The following CAMTA1 variants were observed in gnomAD, a reference collection of about 807,000 sequenced individuals.
CAMTA1 encodes the protein calmodulin binding transcription activator 1.
CAMTA1 carries 27 observed loss-of-function variants against 170.9 expected under a neutral mutation model. That is an observed-to-expected ratio of 0.16 (90% CI 0.12 to 0.22). The LOEUF (loss-of-function observed/expected upper bound fraction) is 0.22. Ranked by LOEUF, CAMTA1 falls within the 10% of genes least tolerant of loss-of-function variation. The probability of loss-of-function intolerance (pLI) is 1.00; values close to 1 mark genes in which losing one functional copy is unlikely to be tolerated. For missense variants in CAMTA1, 1,619 were observed against 2,217.2 expected (o/e 0.73, Z 5.42); for synonymous variants, 833 against 891.5 (o/e 0.93, Z 1.17).
rs1473802715 is a variant in CAMTA1, at chr1:7,705,406, A to AGCCACGCGTGTCTGGGTGCGC, written c.2915-27039_2915-27019dup. Among the ~76,000 whole-genome samples the AGCCACGCGTGTCTGGGTGCGC allele has an allele frequency of 7.2e-5, 10 of 139,132 alleles. No individual in the cohort carries two copies. In the East Asian group the frequency reaches 1.8e-3, roughly 25 times the overall value. The allele number at this position is 139,132 out of a possible 152,430, so 91.3% of individuals were successfully genotyped here. On this transcript the variant is annotated intron_variant, in intron 11 of 22. Transcript: ENST00000303635. ...GCGAGGGGCGTGTGCGGCGGGTGTG[A>AGCCACGCGTGTCTGGGTGCGC]GCCACGCGTGTCTGGGTGCGCGCGC...
At chr1:7,442,691 C>T (rs1323720587) in intron 5 of CAMTA1, among the ~76,000 whole-genome samples, 1 of 152,172 alleles carries the variant, frequency 6.6e-6, no homozygotes, top group East Asian at 1.9e-4. Context: ...TCCATTCCCT[C>T]ACTGGCAAAA....
chr1:7,392,510 C>T (rs1420563990), intron 5 of CAMTA1, among the ~76,000 whole-genome samples: 1 of 150,704 alleles, frequency 6.6e-6, no homozygotes, highest in Non-Finnish European at 1.5e-5. Context: ...CTGCCTTGGC[C>T]TCCCAAAGTG....
chr1:7,721,217 G>A (rs909225150), intron 11 of CAMTA1, among the ~76,000 whole-genome samples: 2 of 152,216 alleles, frequency 1.3e-5, no homozygotes, highest in Admixed American at 1.3e-4. Context: ...AGGGCAAAAT[G>A]TGGAAGGTTT....
At chr1:6,862,081 G>A (rs2148905844) in intron 3 of CAMTA1, among the ~76,000 whole-genome samples, 1 of 151,802 alleles carries the variant, frequency 6.6e-6, no homozygotes. Flanking sequence ...TCCTGCCTCA[G>A]CCTCCTGAGT....
rs560574287 is a variant in CAMTA1, at chr1:7,064,136, C to T, written c.235-27168C>T. ...CCTCCTCCTCCTTCTTCTTCTCCTC[C>T]TCCTCCTTCTCTTCTTCCCTCCTCC... is the stretch of plus-strand genomic sequence containing the variant. On this transcript the variant is annotated intron_variant, in intron 3 of 22. Transcript: ENST00000303635. This position sits in a 1 kb window ranked among gnomAD's most constrained non-coding sequence, Gnocchi z 5.4. Among the ~76,000 whole-genome samples, 4 of 150,888 alleles carry T rather than the reference C, an allele frequency of 2.7e-5. No individual in the cohort carries two copies. The highest frequency in any genetic ancestry group is 5.9e-5 in the Non-Finnish European group (4 of 67,718).
intron 5 of CAMTA1, among the ~76,000 whole-genome samples, chr1:7,453,872 C>T (rs185339416): frequency 6.6e-5 from 10 of 152,330 alleles, no homozygotes; most frequent in African/African-American, 2.4e-4. Flanking sequence ...ATGCTGGGAC[C>T]CGGCCCCCCG....
chr1:7,464,513 T>C (rs1575466665), intron 5 of CAMTA1, among the ~76,000 whole-genome samples: 1 of 152,156 alleles, frequency 6.6e-6, no homozygotes, highest in East Asian at 1.9e-4. Flanking sequence ...TGGAATCTGG[T>C]GAAAAGACTG....
intron 1 of CAMTA1, among the ~76,000 whole-genome samples, chr1:6,803,396 A>G (rs774990886): frequency 2.6e-5 from 4 of 152,162 alleles, no homozygotes; most frequent in East Asian, 1.9e-4. Context: ...TTTCCTTAGT[A>G]TATCCCTCCT....
chr1:7,215,161 A>AT (rs34829257), intron 4 of CAMTA1, among the ~76,000 whole-genome samples: 84,913 of 151,702 alleles, frequency 0.56, 24,054 homozygotes, highest in East Asian at 0.62. Context: ...TGATTATCCT[A>AT]TTTTTTAAAA....
At chr1:7,444,797 C>T (rs1478450594) in intron 5 of CAMTA1, among the ~76,000 whole-genome samples, 2 of 152,158 alleles carry the variant, frequency 1.3e-5, no homozygotes, top group Non-Finnish European at 2.9e-5. Context: ...TTCCCCCAAC[C>T]CTCTAAAAAC....
chr1:7,493,969 C>T (rs902595277), intron 6 of CAMTA1, among the ~76,000 whole-genome samples: 3 of 152,118 alleles, frequency 2.0e-5, no homozygotes, highest in Admixed American at 2.0e-4. Context: ...CACCCGCCGG[C>T]CTCTCCTGCC....
intron 5 of CAMTA1, among the ~76,000 whole-genome samples, chr1:7,427,573 G>A (rs1444156899): frequency 6.6e-6 from 1 of 152,214 alleles, no homozygotes; most frequent in East Asian, 1.9e-4. Context: ...GAAAGGAAGT[G>A]TCGAAGGTCA....
At chr1:7,498,787 ATG>A (rs1491147065) in intron 6 of CAMTA1, among the ~76,000 whole-genome samples, 7 of 145,674 alleles carry the variant, frequency 4.8e-5, no homozygotes, top group African/African-American at 1.5e-4. Context: ...ATGTGTATGT[ATG>A]TGTGTGCATG....
intron 11 of CAMTA1, among the ~76,000 whole-genome samples, chr1:7,715,330 A>G (rs913391457): frequency 6.6e-6 from 1 of 152,078 alleles, no homozygotes; most frequent in African/African-American, 2.4e-5. Context: ...TTGTTCCATT[A>G]TTTAACCATT....
chr1:7,020,492 A>G (rs910615672), intron 3 of CAMTA1, among the ~76,000 whole-genome samples: 2 of 152,216 alleles, frequency 1.3e-5, no homozygotes, highest in African/African-American at 2.4e-5. Context: ...TGTTCACACA[A>G]TGACAAGATC....
At chr1:7,707,449 C>T (rs192426103) in intron 11 of CAMTA1, among the ~76,000 whole-genome samples, 7 of 152,264 alleles carry the variant, frequency 4.6e-5, no homozygotes, top group African/African-American at 1.4e-4. Flanking sequence ...GATCATGGTT[C>T]AGTGCAGCCT....
rs1356392546 is a variant in CAMTA1 at position 7,117,056 on chromosome 1, C to T, written c.302+25685C>T. On this transcript the variant is annotated intron_variant, in intron 4 of 22. Transcript: ENST00000303635. The stretch of plus-strand genomic sequence containing the variant: ...CAGTCTCGGCTCACTGCATCCTCCA[C>T]CTCCCAGGTTCAAGTGATCTCCTCC... Among the ~76,000 whole-genome samples, 12 of 152,080 alleles carry T rather than the reference C, an allele frequency of 7.9e-5. No individual in the cohort carries two copies. In the East Asian group the frequency reaches 2.3e-3, roughly 29 times the overall value.
intron 5 of CAMTA1, among the ~76,000 whole-genome samples, chr1:7,424,592 C>T (rs919957199): frequency 2.0e-5 from 3 of 152,126 alleles, no homozygotes; most frequent in African/African-American, 7.2e-5. Flanking sequence ...GTGCAGCTGA[C>T]ACGTTGTAAG....
intron 22 of CAMTA1, among the ~76,000 whole-genome samples, chr1:7,757,556 C>T (rs2096939730): frequency 6.6e-6 from 1 of 152,134 alleles, no homozygotes. Context: ...CACTTGAGGT[C>T]AGGAGTTCGA....
Sources: allele counts gnomAD v4.1 joint callset (sites outside exome capture counted in the v4.1 genomes callset), GRCh38; gene constraint gnomAD v4.1.1; non-coding constraint Gnocchi (gnomAD v3.1); transcripts MANE v1.5; gene names NCBI Gene and HGNC (gene_info 2026-07-23, HGNC 2026-07-21).